The following JAK3 variants were observed in gnomAD, a reference collection of about 807,000 sequenced individuals.
The protein encoded by JAK3 is tyrosine-protein kinase JAK3.
JAK3 carries 88 observed loss-of-function variants against 120.8 expected under a neutral mutation model. The observed-to-expected ratio is 0.73, with a 90% CI of 0.61 to 0.87. The LOEUF is 0.87. Ranked by LOEUF, JAK3 falls within the 40% of genes least tolerant of loss-of-function variation. JAK3 has a pLI of 0.00. For missense variants in JAK3, 1,254 were observed against 1,501.4 expected (o/e 0.84, Z 2.72); for synonymous variants, 592 against 628.6 (o/e 0.94, Z 0.87).
intron 23 of JAK3, chr19:17,829,690 T>C (rs1295469398): frequency 3.4e-6 from 1 of 293,474 alleles, no homozygotes; most frequent in African/African-American, 2.1e-5. Flanking sequence ...AGCTCAGGAG[T>C]TGGAGGCTGC....
Position 17,830,126 on chromosome 19 carries a change from A to C in JAK3, c.3189T>G (p.Pro1063=). The change falls in exon 23 of 24, where the codon CCT becomes CCG. Residue 1063 remains proline, a synonymous_variant. Transcript: ENST00000458235. ...CGCTCACCTCAGCAGGGCAGGCAGGAGGCGCCGGCAGCCTCTGGCCCTCCT... is the reference window on the plus strand; with the variant it reads ...CGCTCACCTCAGCAGGGCAGGCAGGCGGCGCCGGCAGCCTCTGGCCCTCCT... ...LLEEGQRLPA[P]PACPAEVHEL... 6.3e-7 allele frequency: 1 copy of C among 1,582,920 alleles called. No individual in the cohort carries two copies. The highest frequency in any genetic ancestry group is 8.6e-7 in the Non-Finnish European group (1 of 1,165,848).
Position 17,825,843 on chromosome 19 carries a change from G to C in JAK3, c.*900C>G, listed in dbSNP as rs1223033478. ...GTGAACCCAGGAGGCGGAGCTTGCA[G>C]TGAGCCTAGATTGCGCCACTGTACT... is the stretch of plus-strand genomic sequence containing the variant. On this transcript the variant is annotated 3_prime_UTR_variant, in exon 24 of 24. Transcript: ENST00000458235. 6.7e-6 allele frequency: 1 copy of C among 148,698 alleles called. No individual in the cohort carries two copies. Among genetic ancestry groups the C allele is most frequent in the African/African-American group, 2.5e-5 (1 of 40,066 alleles). The allele number at this position is 148,698 out of a possible 1,614,324, so 9.2% of individuals were successfully genotyped here.
At chr19:17,839,337 G>A in intron 10 of JAK3, 140 bp downstream of exon 10, 1 of 806,140 alleles carries the variant, frequency 1.2e-6, no homozygotes. Context: ...CTAACTTCCT[G>A]AGCCAACAAA....
At position 17,832,133 on chromosome 19, in the gene JAK3, G is replaced by A. The variant is rs563502280; in HGVS notation, c.2681-335C>T. 2.6e-5 allele frequency among the ~76,000 whole-genome samples: 4 copies of A among 152,066 alleles called. No homozygotes were observed. Among genetic ancestry groups the A allele is most frequent in the African/African-American group, 9.7e-5 (4 of 41,406 alleles). On this transcript the variant is annotated intron_variant, in intron 19 of 23. Transcript: ENST00000458235. This position sits in a 1 kb window ranked among gnomAD's most constrained non-coding sequence, Gnocchi z 4.7. ...AAAAATTAGCCGGGTGTGGTGGCAC[G>A]CTCCTGTAATCCCAGCTACTCTGGA... is the stretch of plus-strand genomic sequence containing the variant.
chr19:17,838,926 C>T (rs921623865), intron 10 of JAK3, among the ~76,000 whole-genome samples: 2 of 151,892 alleles, frequency 1.3e-5, no homozygotes, highest in South Asian at 2.1e-4. Flanking sequence ...ATGTTGGCCA[C>T]GCTGGTCTCA....
rs372879209 is a variant in JAK3, at chr19:17,830,335, A to C, written c.3097-117T>G. 5.8e-5 allele frequency: 54 copies of C among 929,650 alleles called. 2 individuals are homozygous for C. In the South Asian group the frequency reaches 7.7e-4, roughly 13 times the overall value. The allele number at this position is 929,650 out of a possible 1,614,324, so 57.6% of individuals were successfully genotyped here. A position where few individuals can be genotyped will look rare whatever the true frequency, so the allele number is the denominator to read the frequency against. ...GATGGAGCGGGGAGGGGCTGCCTGA[A>C]CCGTGAAGGGGTCAGAAAGGTGAGG... On this transcript the variant is annotated intron_variant, in intron 22 of 23. Coordinates refer to ENST00000458235, the MANE Select transcript of JAK3 (RefSeq NM_000215.4).
At chr19:17,835,299 A>T (rs1295325418) in intron 14 of JAK3, 84 bp from the exon 15 acceptor site, 3 of 1,521,950 alleles carry the variant, frequency 2.0e-6, no homozygotes, top group Non-Finnish European at 2.7e-6. Flanking sequence ...CATCCTTCAA[A>T]ACCCACTTGG....
intron 1 of JAK3, among the ~76,000 whole-genome samples, chr19:17,847,387 CA>C (rs376311340): frequency 2.6e-5 from 4 of 150,968 alleles, no homozygotes; most frequent in African/African-American, 4.9e-5. Context: ...AATACTGTAA[CA>C]AAAAAAAATG....
chr19:17,835,232 C>G lies in JAK3; in HGVS notation c.1915-17G>C, dbSNP rs544077248. On this transcript the variant is annotated splice_polypyrimidine_tract_variant and intron_variant, in intron 14 of 23. Transcript: ENST00000458235. ...TTTGTCCTCCTAAGGGGGCCAGACA[C>G]AGGAAAATGCCCGGGAGGGTTTGAT... The G allele has an allele frequency of 6.2e-7, 1 of 1,612,630 alleles. No homozygotes were observed. The highest frequency in any genetic ancestry group is 2.2e-5 in the East Asian group (1 of 44,864).
chr19:17,841,839 C>T lies in JAK3; in HGVS notation c.862-77G>A. On this transcript the variant is annotated intron_variant, in intron 6 of 23. Transcript: ENST00000458235. This position sits in a 1 kb window ranked among gnomAD's most constrained non-coding sequence, Gnocchi z 4.1. Reference sequence around the variant, plus strand: ...CCACGCCCATGAACCCACCCCCAAGCCACACCATCCACTCCCTATCCCTTT... The same window carrying T: ...CCACGCCCATGAACCCACCCCCAAGTCACACCATCCACTCCCTATCCCTTT... 1.3e-6 allele frequency: 2 copies of T among 1,580,126 alleles called. No homozygotes were observed. The highest frequency in any genetic ancestry group is 2.7e-5 in the African/African-American group (2 of 74,574).
At chr19:17,829,148 T>G (rs981927988) in intron 23 of JAK3, among the ~76,000 whole-genome samples, 1 of 151,506 alleles carries the variant, frequency 6.6e-6, no homozygotes, top group Non-Finnish European at 1.5e-5. Flanking sequence ...TATTTTTATC[T>G]TATTTGTTTG....
chr19:17,831,376 G>A lies in JAK3; in HGVS notation c.2830C>T (p.Arg944Cys), dbSNP rs1238513096. The change falls in exon 21 of 24, where the codon CGC (arginine) becomes TGC (cysteine). Residue 944 changes from arginine to cysteine, a missense_variant. Physicochemically the swap from Arg to Cys is radical, Grantham distance 180 (BLOSUM62 -3). This residue lies in a region of JAK3 where 630 missense variants were observed against 819.8 expected (regional missense o/e 0.77). Transcript: ENST00000458235. This position sits in a 1 kb window ranked among gnomAD's most constrained non-coding sequence, Gnocchi z 5.1. The part of the protein sequence containing the change: ...CKGMEYLGSR[R>C]CVHRDLAARN... Reference sequence around the variant, plus strand: ...GCGGCCAGGTCGCGGTGCACGCAGCGGCGGGAGCCCAGGTACTCCATGCCC... The same window carrying A: ...GCGGCCAGGTCGCGGTGCACGCAGCAGCGGGAGCCCAGGTACTCCATGCCC... 6.2e-7 allele frequency: 1 copy of A among 1,606,468 alleles called. No individual in the cohort carries two copies. Among genetic ancestry groups the A allele is most frequent in the African/African-American group, 1.3e-5 (1 of 74,834 alleles).
intron 12 of JAK3, 49 bp downstream of exon 12, chr19:17,837,883 C>G (rs1318145924): frequency 6.2e-7 from 1 of 1,612,774 alleles, no homozygotes; most frequent in African/African-American, 1.3e-5. Flanking sequence ...TCCACGACCC[C>G]CTCTCCAGCC....
chr19:17,838,664 G>A (rs1051509383), intron 10 of JAK3, among the ~76,000 whole-genome samples: 2 of 151,530 alleles, frequency 1.3e-5, no homozygotes, highest in South Asian at 4.2e-4. Context: ...TCCTGCCTCG[G>A]CCTCCCGAAT....
In JAK3 at chr19:17,826,554, C is replaced by T; in HGVS notation, c.*189G>A. On this transcript the variant is annotated 3_prime_UTR_variant, in exon 24 of 24. Transcript: ENST00000458235. Reference sequence around the variant, plus strand: ...GACACATATGCCCATCTGTCTTGAACCTTAACAAATTGCAAAGGCCACAGG... The same window carrying T: ...GACACATATGCCCATCTGTCTTGAATCTTAACAAATTGCAAAGGCCACAGG... 1 of 672,026 alleles carries T rather than the reference C, an allele frequency of 1.5e-6. No homozygotes were observed. 41.6% of individuals were successfully genotyped at this position (672,026 alleles called of 1,614,324 possible).
chr19:17,830,161 C>A lies in JAK3; in HGVS notation c.3154G>T (p.Glu1052Ter). Residue 1052 changes from glutamate to a stop codon, truncating the protein, a stop_gained, in exon 23 of 24, where the codon GAA (glutamate) becomes TAA (stop). Coordinates refer to ENST00000458235, the MANE Select transcript of JAK3 (RefSeq NM_000215.4). LOFTEE classifies it high-confidence loss of function. ...AGCCTCTGGCCCTCCTCCAGCAGTT[C>A]CAAGAGGCGGCAGAGGGCGGGGACA... is the stretch of plus-strand genomic sequence containing the variant. The part of the protein sequence containing the change: ...RDVPALCRLL[E>*]LLEEGQRLPA... 1 of 1,597,400 alleles carries A rather than the reference C, an allele frequency of 6.3e-7. No homozygotes were observed. The highest frequency in any genetic ancestry group is 8.5e-7 in the Non-Finnish European group (1 of 1,173,110).
chr19:17,842,710 GC>G lies in JAK3; in HGVS notation c.567-101del. 1 of 1,261,524 alleles carries G rather than the reference GC, an allele frequency of 7.9e-7. No homozygotes were observed. The highest frequency in any genetic ancestry group is 1.1e-6 in the Non-Finnish European group (1 of 929,646). 78.1% of individuals were successfully genotyped at this position (1,261,524 alleles called of 1,614,324 possible). On this transcript the variant is annotated intron_variant, in intron 5 of 23. Transcript: ENST00000458235. The surrounding 1 kb of genome is among the most constrained non-coding windows in gnomAD (Gnocchi z 6.4). ...GCTTTAGCCCAGGGGCTGGGGTGCG[GC>G]CCTAGTTGGGGCACCAGGCACACAC...
rs1052091921 is a variant in JAK3, at chr19:17,834,778, C to T, written c.2200-57G>A. 3.7e-6 allele frequency: 6 copies of T among 1,613,660 alleles called. No individual in the cohort carries two copies. The Admixed American group carries it at 5.0e-5, about 13-fold the overall frequency. ...AACCCAATAGACCCACCCCAATCTC[C>T]CCAGACTGGATGTCAGTCTGCCCTT... On this transcript the variant is annotated intron_variant, in intron 16 of 23. Coordinates refer to ENST00000458235, the MANE Select transcript of JAK3 (RefSeq NM_000215.4).
chr19:17,830,678 G>T, intron 21 of JAK3, 58 bp from the exon 22 acceptor site: 11 of 1,410,992 alleles, frequency 7.8e-6, no homozygotes, highest in Non-Finnish European at 1.0e-5. Context: ...GAAGAGGGGG[G>T]CAGCCTTGGA....
Sources: allele counts gnomAD v4.1 joint callset (sites outside exome capture counted in the v4.1 genomes callset), GRCh38; gene constraint gnomAD v4.1.1; regional missense constraint gnomAD v4.1.1; non-coding constraint Gnocchi (gnomAD v3.1); transcripts MANE v1.5; gene names NCBI Gene and HGNC (gene_info 2026-07-23, HGNC 2026-07-21).